Variants in COL12A1 observed in about 807,000 individuals in gnomAD.
COL12A1 encodes the protein collagen alpha-1(XII) chain.
A neutral mutation model predicts 349.7 loss-of-function variants in COL12A1; 114 were observed. The observed-to-expected ratio is 0.33, with a 90% confidence interval of 0.28 to 0.38. The LOEUF (loss-of-function observed/expected upper bound fraction) is 0.38. Among genes scored for constraint, COL12A1 ranks in the 10% least tolerant of loss-of-function variants. COL12A1 has a pLI of 1.00. For synonymous variants in COL12A1, 1,369 were observed against 1,329.0 expected (o/e 1.03, Z -0.66); for missense variants, 3,284 against 3,756.9 (o/e 0.87, Z 3.29).
chr6:75,090,238 C>A lies in COL12A1; in HGVS notation c.8813G>T (p.Arg2938Leu), dbSNP rs752206319. 44 of 1,613,716 alleles carry A rather than the reference C, an allele frequency of 2.7e-5. No individual in the cohort carries two copies. Among genetic ancestry groups the A allele is most frequent in the Non-Finnish European group, 3.6e-5 (43 of 1,179,856 alleles). Residue 2938 changes from arginine to leucine, a missense_variant, in exon 63 of 66, where the codon CGC (arginine) becomes CTC (leucine). By Grantham distance (102) the Arg-to-Leu change is moderately radical. This residue lies in a region of COL12A1 where 683 missense variants were observed against 932.1 expected (regional missense o/e 0.73). Transcript: ENST00000322507. The surrounding 1 kb of genome is among the most constrained non-coding windows in gnomAD (Gnocchi z 4.1). ...NQIPNDYQSS[R>L]NQPGPPGPPG... ...TGGACCCGGCGGGCCTGGCTGGTTGCGACTGGACTGGTAATCATTTGGAAT... is the reference window on the plus strand; with the variant it reads ...TGGACCCGGCGGGCCTGGCTGGTTGAGACTGGACTGGTAATCATTTGGAAT...
Position 75,133,968 on chromosome 6 carries a change from C to G in COL12A1, c.5554G>C (p.Val1852Leu), listed in dbSNP as rs1166564694. The G allele has an allele frequency of 6.2e-7, 1 of 1,613,982 alleles. No homozygotes were observed. The highest frequency in any genetic ancestry group is 8.5e-7 in the Non-Finnish European group (1 of 1,179,954). ...AAGGTGCTGGTAGAAGGGTCATACA[C>G]TCTCAGGTTCCTTACAGTGTTTAGA... is the stretch of plus-strand genomic sequence containing the variant. ...KPLNTVRNLRVYDPSTSTLNV... is the reference protein window; with the variant it reads ...KPLNTVRNLRLYDPSTSTLNV... The change falls in exon 33 of 66, where the codon GTG becomes CTG. Residue 1852 changes from valine to leucine, a missense_variant. Val to Leu is a conservative substitution (Grantham distance 32). Around this residue, in one of 2 missense-constraint regions of COL12A1, gnomAD observed 2,601 missense variants for 2,824.8 expected, o/e 0.92. Transcript: ENST00000322507.
At position 75,095,010 on chromosome 6, in the gene COL12A1, A is replaced by G; in HGVS notation, c.8649+98T>C. ...TTTCAACAAATGCTTCAAACACATTACAGCAGAGATAACCTAAATATAACA... is the reference window on the plus strand; with the variant it reads ...TTTCAACAAATGCTTCAAACACATTGCAGCAGAGATAACCTAAATATAACA... On this transcript the variant is annotated intron_variant, in intron 60 of 65. Transcript: ENST00000322507. 6 of 1,094,796 alleles carry G rather than the reference A, an allele frequency of 5.5e-6. No homozygotes were observed. In the East Asian group the frequency reaches 1.3e-4, roughly 23 times the overall value. The allele number at this position is 1,094,796 out of a possible 1,614,324, so 67.8% of individuals were successfully genotyped here.
intron 31 of COL12A1, 39 bp from the exon 32 acceptor site, chr6:75,134,894 C>G (rs1201656487): frequency 3.2e-6 from 5 of 1,586,754 alleles, no homozygotes; most frequent in Non-Finnish European, 4.3e-6. Context: ...CAGCCTTGCT[C>G]TCTCCATCTC....
intron 27 of COL12A1, among the ~76,000 whole-genome samples, chr6:75,141,045 G>T (rs959704062): frequency 2.0e-5 from 3 of 152,092 alleles, no homozygotes; most frequent in Admixed American, 1.3e-4. Context: ...AAATTATAAT[G>T]GATATATTTG....
At chr6:75,174,018 C>T (rs778007713) in intron 13 of COL12A1, among the ~76,000 whole-genome samples, 5 of 152,224 alleles carry the variant, frequency 3.3e-5, no homozygotes, top group Admixed American at 6.5e-5. Context: ...ATTCTCATTG[C>T]GGTGCAATTA....
At chr6:75,133,219 A>C (rs1766397864) in intron 34 of COL12A1, 74 bp downstream of exon 34, 1 of 1,304,822 alleles carries the variant, frequency 7.7e-7, no homozygotes, top group African/African-American at 1.5e-5. Flanking sequence ...ATTCTCTTTA[A>C]TGGGCCTTTA....
intron 58 of COL12A1, among the ~76,000 whole-genome samples, chr6:75,097,538 C>T (rs567464972): frequency 2.0e-4 from 30 of 152,326 alleles, no homozygotes; most frequent in African/African-American, 6.3e-4. Flanking sequence ...TTTCTATGCT[C>T]ATTCACTTGT....
At chr6:75,193,458 T>G (rs1365704335) in intron 3 of COL12A1, among the ~76,000 whole-genome samples, 1 of 152,176 alleles carries the variant, frequency 6.6e-6, no homozygotes, top group Non-Finnish European at 1.5e-5. Flanking sequence ...AAAAGATAAA[T>G]AAACACAGTT....
In COL12A1 at chr6:75,090,175, G is replaced by A; in HGVS notation, c.8876C>T (p.Pro2959Leu). 6.2e-7 allele frequency: 1 copy of A among 1,614,124 alleles called. No individual in the cohort carries two copies. The highest frequency in any genetic ancestry group is 8.5e-7 in the Non-Finnish European group (1 of 1,180,004). Residue 2959 changes from proline (P) to leucine (L), a missense_variant, in exon 63 of 66, where the codon CCT becomes CTT. Coordinates refer to ENST00000322507, the MANE Select transcript of COL12A1 (RefSeq NM_004370.6). This position sits in a 1 kb window ranked among gnomAD's most constrained non-coding sequence, Gnocchi z 4.1. ...PPGSAGARGE[P>L]GPGGRPGFPG... ...GAAGCCTGGCCGCCCCCCAGGCCCA[G>A]GTTCTCCTCTGGCTCCTGCGCTACC...
chr6:75,127,647 C>T (rs1337649067), intron 38 of COL12A1, among the ~76,000 whole-genome samples: 3 of 152,160 alleles, frequency 2.0e-5, no homozygotes, highest in Non-Finnish European at 4.4e-5. Context: ...CCACACCTCA[C>T]ATAGTTACAT....
Position 75,183,034 on chromosome 6 carries a change from C to T in COL12A1, c.1891+16G>A. On this transcript the variant is annotated intron_variant, in intron 10 of 65. Transcript: ENST00000322507. ...TGTTCATGAAGAAATAACTTTTACTCTCAAAGTCTACTAACCTTTCTTCTT... is the reference window on the plus strand; with the variant it reads ...TGTTCATGAAGAAATAACTTTTACTTTCAAAGTCTACTAACCTTTCTTCTT... 1.9e-6 allele frequency: 3 copies of T among 1,565,270 alleles called. No homozygotes were observed. The highest frequency in any genetic ancestry group is 2.6e-6 in the Non-Finnish European group (3 of 1,159,574).
At chr6:75,190,976 T>A (rs1287669939) in intron 5 of COL12A1, among the ~76,000 whole-genome samples, 1 of 151,968 alleles carries the variant, frequency 6.6e-6, no homozygotes, top group African/African-American at 2.4e-5. Flanking sequence ...ATAATCTTTT[T>A]ATTGTCATTC....
intron 37 of COL12A1, 24 bp downstream of exon 37, chr6:75,130,067 C>A (rs746597204): frequency 6.2e-7 from 1 of 1,609,340 alleles, no homozygotes; most frequent in East Asian, 2.2e-5. Context: ...ATAAAATGTG[C>A]CAATAAATGA....
At chr6:75,166,403 C>T (rs1360812332) in intron 13 of COL12A1, among the ~76,000 whole-genome samples, 3 of 152,136 alleles carry the variant, frequency 2.0e-5, no homozygotes, top group Non-Finnish European at 1.5e-5. Context: ...TTCTGGAAAA[C>T]TTAAAAGTGA....
chr6:75,145,593 T>G (rs1160288067), intron 24 of COL12A1, 138 bp from the exon 25 acceptor site: 14 of 835,666 alleles, frequency 1.7e-5, no homozygotes, highest in Non-Finnish European at 1.8e-5. Context: ...TACATCTCCT[T>G]TTCCATGCTG....
chr6:75,205,058 C>G (rs1240569688), intron 1 of COL12A1, among the ~76,000 whole-genome samples: 1 of 151,754 alleles, frequency 6.6e-6, no homozygotes, highest in African/African-American at 2.4e-5. Flanking sequence ...CTTTCTGATC[C>G]CCACAAGTCT....
At chr6:75,089,014 A>AT in intron 64 of COL12A1, 92 bp downstream of exon 64, 4 of 980,250 alleles carry the variant, frequency 4.1e-6, no homozygotes, top group Non-Finnish European at 4.6e-6. Context: ...AACAAAAAAA[A>AT]GAATAACAGG....
intron 51 of COL12A1, among the ~76,000 whole-genome samples, chr6:75,111,810 T>G (rs1210809848): frequency 6.6e-6 from 1 of 151,560 alleles, no homozygotes. Flanking sequence ...CAGGGATTTT[T>G]GTTTTTCCTT....
intron 53 of COL12A1, 89 bp downstream of exon 53, chr6:75,106,330 T>C: frequency 9.1e-7 from 1 of 1,093,548 alleles, no homozygotes; most frequent in Non-Finnish European, 1.4e-6. Context: ...AATATACAAC[T>C]GTGCAGTGCT....
Sources: allele counts gnomAD v4.1 joint callset (sites outside exome capture counted in the v4.1 genomes callset), GRCh38; gene constraint gnomAD v4.1.1; regional missense constraint gnomAD v4.1.1; non-coding constraint Gnocchi (gnomAD v3.1); transcripts MANE v1.5; gene names NCBI Gene and HGNC (gene_info 2026-07-23, HGNC 2026-07-21).